The following TBC1D9B variants were observed in gnomAD, a reference collection of about 807,000 sequenced individuals.
The protein encoded by TBC1D9B is TBC1 domain family member 9B, also known as TBC1 domain family, member 9B (with GRAM domain).
In TBC1D9B, 87 loss-of-function variants were observed where a neutral mutation model predicts 121.1. The ratio of observed to expected loss-of-function variants is 0.72; its 90% CI spans 0.60 to 0.86. The LOEUF (loss-of-function observed/expected upper bound fraction) is 0.86. Ranked by LOEUF, TBC1D9B falls within the 40% of genes least tolerant of loss-of-function variation. TBC1D9B has a pLI of 0.00. For synonymous variants in TBC1D9B, 668 were observed against 670.1 expected (o/e 1.00, Z 0.05); for missense variants, 1,540 against 1,628.6 (o/e 0.95, Z 0.94).
Position 179,863,587 on chromosome 5 carries a change from G to T in TBC1D9B, c.3563C>A (p.Ala1188Asp). 1.2e-6 allele frequency: 2 copies of T among 1,614,172 alleles called. No homozygotes were observed. The highest frequency in any genetic ancestry group is 2.2e-5 in the South Asian group (2 of 91,088). ...DWCISFEQIL[A>D]SILTESVLVN... ...CAGCACGGACTCCGTCAGGATGGAG[G>T]CCAGGATCTGCTCAAAGGAGATGCA... The change falls in exon 21 of 21, where the codon GCC becomes GAC. Residue 1188 changes from alanine (A) to aspartate (D), a missense_variant. Physicochemically the swap from Ala to Asp is moderately radical, Grantham distance 126 (BLOSUM62 -2). Coordinates refer to ENST00000355235, the MANE Select transcript of TBC1D9B (RefSeq NM_015043.4). This position sits in a 1 kb window ranked among gnomAD's most constrained non-coding sequence, Gnocchi z 4.5.
intron 2 of TBC1D9B, among the ~76,000 whole-genome samples, chr5:179,899,996 G>C (rs1761122933): frequency 6.6e-6 from 1 of 152,182 alleles, no homozygotes; most frequent in South Asian, 2.1e-4. Context: ...TTGGGAGGCT[G>C]AGGCAGGAGG....
In TBC1D9B at chr5:179,876,005, G is replaced by C. The variant is rs1561637387; in HGVS notation, c.1815C>G (p.Leu605=). ...AMNIVTSVLL[L]YGSEEEAFWL... Reference sequence around the variant, plus strand: ...AGAAGGCCTCCTCCTCACTGCCATAGAGCAGGAGCACCGAGGTCACGATGT... The same window carrying C: ...AGAAGGCCTCCTCCTCACTGCCATACAGCAGGAGCACCGAGGTCACGATGT... The change falls in exon 11 of 21, where the codon CTC becomes CTG. Residue 605 remains leucine, a synonymous_variant. Transcript: ENST00000355235. The C allele has an allele frequency of 1.2e-6, 2 of 1,612,818 alleles. No homozygotes were observed. The highest frequency in any genetic ancestry group is 1.7e-6 in the Non-Finnish European group (2 of 1,179,644).
In TBC1D9B at chr5:179,863,430, G is replaced by C. The variant is rs1188630592; in HGVS notation, c.*18C>G. ...CCCCACTGATGACACCTTGGGCCAGGCCTCACAGCTGCAGGCATCAGCCGG... is the reference window on the plus strand; with the variant it reads ...CCCCACTGATGACACCTTGGGCCAGCCCTCACAGCTGCAGGCATCAGCCGG... On this transcript the variant is annotated 3_prime_UTR_variant, in exon 21 of 21. Transcript: ENST00000355235. This position sits in a 1 kb window ranked among gnomAD's most constrained non-coding sequence, Gnocchi z 4.5. 1.9e-6 allele frequency: 3 copies of C among 1,606,868 alleles called. No homozygotes were observed. The highest frequency in any genetic ancestry group is 2.7e-5 in the African/African-American group (2 of 74,800).
chr5:179,872,905 G>A lies in TBC1D9B; in HGVS notation c.2402C>T (p.Ala801Val). 1 of 1,613,504 alleles carries A rather than the reference G, an allele frequency of 6.2e-7. No homozygotes were observed. The highest frequency in any genetic ancestry group is 2.2e-5 in the East Asian group (1 of 44,846). Residue 801 changes from alanine to valine, a missense_variant, in exon 14 of 21, where the codon GCC becomes GTC. Coordinates refer to ENST00000355235, the MANE Select transcript of TBC1D9B (RefSeq NM_015043.4). ...LKVIQSLEDT[A>V]KRSVVRAIPV... Reference sequence around the variant, plus strand: ...TGGCACCCATACCACACTCCTCTTGGCCGTGTCCTCCAAGGACTGGATCAC... The same window carrying A: ...TGGCACCCATACCACACTCCTCTTGACCGTGTCCTCCAAGGACTGGATCAC...
Position 179,865,187 on chromosome 5 carries a change from G to A in TBC1D9B, c.3021+67C>T, listed in dbSNP as rs1179667671. ...GGAGATGCTGCAGTGCAGGTGCGGT[G>A]ATGTTAGGGCCCAGTCTTGGTCAGA... On this transcript the variant is annotated intron_variant, in intron 20 of 20. Coordinates refer to ENST00000355235, the MANE Select transcript of TBC1D9B (RefSeq NM_015043.4). The surrounding 1 kb of genome is among the most constrained non-coding windows in gnomAD (Gnocchi z 5.1). The A allele has an allele frequency of 6.8e-7, 1 of 1,466,180 alleles. No homozygotes were observed. The highest frequency in any genetic ancestry group is 1.4e-5 in the African/African-American group (1 of 71,850). The allele number at this position is 1,466,180 out of a possible 1,614,324, so 90.8% of individuals were successfully genotyped here.
intron 18 of TBC1D9B, chr5:179,866,765 G>C (rs1760024573): frequency 6.6e-6 from 1 of 152,430 alleles, no homozygotes; most frequent in Non-Finnish European, 1.5e-5. Context: ...TCAAGCTCAA[G>C]TCAGCCTCTG....
chr5:179,872,855 CA>C, intron 14 of TBC1D9B, 36 bp downstream of exon 14: 4 of 1,510,548 alleles, frequency 2.6e-6, no homozygotes, highest in African/African-American at 1.4e-5. Context: ...GCTGCCCCCC[CA>C]GCCCAGCCCC....
At chr5:179,871,017 G>C (rs1760178437) in intron 15 of TBC1D9B, among the ~76,000 whole-genome samples, 1 of 152,184 alleles carries the variant, frequency 6.6e-6, no homozygotes, top group African/African-American at 2.4e-5. Context: ...AATTCTCTTT[G>C]CACTGGGATT....
At chr5:179,892,944 T>C (rs975601879) in intron 5 of TBC1D9B, among the ~76,000 whole-genome samples, 5 of 152,218 alleles carry the variant, frequency 3.3e-5, no homozygotes, top group Admixed American at 1.3e-4. Context: ...TAAGAGCCCC[T>C]TCCCATCATA....
Position 179,875,975 on chromosome 5 carries a change from G to A in TBC1D9B, c.1845C>T (p.Leu615=). ...GCATGCGCTCGCACAGGGCCACCAGGAGCCAGAAGGCCTCCTCCTCACTGC... is the reference window on the plus strand; with the variant it reads ...GCATGCGCTCGCACAGGGCCACCAGAAGCCAGAAGGCCTCCTCCTCACTGC... ...LYGSEEEAFW[L]LVALCERMLP... is the part of the protein sequence containing the mutation. Residue 615 remains leucine, a synonymous_variant, in exon 11 of 21, where the codon CTC becomes CTT. Coordinates refer to ENST00000355235, the MANE Select transcript of TBC1D9B (RefSeq NM_015043.4). The surrounding 1 kb of genome is among the most constrained non-coding windows in gnomAD (Gnocchi z 4.5). 1 of 1,612,242 alleles carries A rather than the reference G, an allele frequency of 6.2e-7. No individual in the cohort carries two copies. The highest frequency in any genetic ancestry group is 8.5e-7 in the Non-Finnish European group (1 of 1,179,450).
intron 18 of TBC1D9B, chr5:179,867,547 G>C (rs1214037746): frequency 1.3e-6 from 2 of 1,547,856 alleles, no homozygotes; most frequent in Non-Finnish European, 1.8e-6. Context: ...GAGGAGCCAA[G>C]GTCCAGGAAG....
At position 179,894,290 on chromosome 5, in the gene TBC1D9B, C is replaced by T. The variant is rs1028180962; in HGVS notation, c.577+96G>A. ...GGTGGCATTTGGGTTTCAGGGAGAC[C>T]CCTCTGGTGGCCATGTGGGGATGGA... On this transcript the variant is annotated intron_variant, in intron 4 of 20. Transcript: ENST00000355235. 2.2e-5 allele frequency: 26 copies of T among 1,190,974 alleles called. No individual in the cohort carries two copies. In the Middle Eastern group the frequency reaches 8.4e-4, roughly 38 times the overall value. 73.8% of individuals were successfully genotyped at this position (1,190,974 alleles called of 1,614,324 possible).
chr5:179,906,595 G>A (rs1761322864), intron 1 of TBC1D9B, among the ~76,000 whole-genome samples: 1 of 152,140 alleles, frequency 6.6e-6, no homozygotes, highest in Non-Finnish European at 1.5e-5. Flanking sequence ...TAGCCACAGG[G>A]GCTGCCGACT....
Position 179,865,780 on chromosome 5 carries a change from A to G in TBC1D9B, c.2914+58T>C. 1.3e-6 allele frequency: 2 copies of G among 1,528,290 alleles called. No homozygotes were observed. The highest frequency in any genetic ancestry group is 1.8e-6 in the Non-Finnish European group (2 of 1,133,660). The allele number at this position is 1,528,290 out of a possible 1,614,324, so 94.7% of individuals were successfully genotyped here. ...GGCAGTGACTGGGGAAAAGACCAGCAAGCAAGGGTGCCTCAACGCTGGGGT... is the reference window on the plus strand; with the variant it reads ...GGCAGTGACTGGGGAAAAGACCAGCGAGCAAGGGTGCCTCAACGCTGGGGT... On this transcript the variant is annotated intron_variant, in intron 19 of 20. Coordinates refer to ENST00000355235, the MANE Select transcript of TBC1D9B (RefSeq NM_015043.4). This position sits in a 1 kb window ranked among gnomAD's most constrained non-coding sequence, Gnocchi z 5.1.
intron 20 of TBC1D9B, among the ~76,000 whole-genome samples, chr5:179,864,931 C>T (rs1275786932): frequency 2.6e-5 from 4 of 152,148 alleles, no homozygotes; most frequent in South Asian, 2.1e-4. Flanking sequence ...TGTGAGCCTG[C>T]GTGTGCAGAG....
At chr5:179,873,092 G>A in intron 13 of TBC1D9B, 27 bp downstream of exon 13, 1 of 1,610,834 alleles carries the variant, frequency 6.2e-7, no homozygotes, top group African/African-American at 1.3e-5. Flanking sequence ...GAGCGGCCTG[G>A]CCAAAATGGC....
intron 4 of TBC1D9B, 99 bp downstream of exon 4, chr5:179,894,287 G>A: frequency 1.7e-6 from 2 of 1,149,552 alleles, no homozygotes; most frequent in Non-Finnish European, 2.5e-6. Context: ...GTTTCAGGGA[G>A]ACCCCTCTGG....
Position 179,879,107 on chromosome 5 carries a change from C to T in TBC1D9B, c.1507G>A (p.Ala503Thr). ...VCMYRTAKTRALVLKGIPESL... is the reference protein window; with the variant it reads ...VCMYRTAKTRTLVLKGIPESL... ...TCAGGGATACCCTTCAGGACCAGTG[C>T]CCGCGTCTTGGCTGTGCGGTACATG... The change falls in exon 9 of 21, where the codon GCA becomes ACA. Residue 503 changes from alanine to threonine, a missense_variant. Transcript: ENST00000355235. 6.2e-7 allele frequency: 1 copy of T among 1,607,856 alleles called. No homozygotes were observed. The highest frequency in any genetic ancestry group is 8.5e-7 in the Non-Finnish European group (1 of 1,179,950).
intron 14 of TBC1D9B, 35 bp from the exon 15 acceptor site, chr5:179,871,565 T>C: frequency 6.2e-7 from 1 of 1,603,500 alleles, no homozygotes; most frequent in Non-Finnish European, 8.5e-7. Context: ...TATAGCTGGA[T>C]CACAAGCTCC....
Sources: allele counts gnomAD v4.1 joint callset (sites outside exome capture counted in the v4.1 genomes callset), GRCh38; gene constraint gnomAD v4.1.1; non-coding constraint Gnocchi (gnomAD v3.1); transcripts MANE v1.5; gene names NCBI Gene and HGNC (gene_info 2026-07-23, HGNC 2026-07-21).